Variants in LRRC28 observed in about 807,000 individuals in gnomAD.
The protein encoded by LRRC28 is leucine-rich repeat-containing protein 28.
In LRRC28, 39 loss-of-function variants were observed where a neutral mutation model predicts 45.7. That is an observed-to-expected ratio of 0.85 (90% confidence interval 0.66 to 1.12). The LOEUF (loss-of-function observed/expected upper bound fraction) is 1.12. Ranked by LOEUF, LRRC28 falls within the 50% of genes most tolerant of loss-of-function variation. LRRC28 has a pLI of 0.00. For missense variants in LRRC28, 435 were observed against 438.5 expected (o/e 0.99, Z 0.07); for synonymous variants, 206 against 178.8 (o/e 1.15, Z -1.22).
intron 7 of LRRC28, 141 bp from the exon 8 acceptor site, chr15:99,361,195 C>T: frequency 9.8e-7 from 1 of 1,018,104 alleles, no homozygotes; most frequent in Non-Finnish European, 1.4e-6. Flanking sequence ...CCCGGGATAG[C>T]ATCTGTTCAC....
intron 9 of LRRC28, among the ~76,000 whole-genome samples, chr15:99,366,360 T>G (rs888976689): frequency 3.3e-5 from 5 of 152,226 alleles, no homozygotes; most frequent in African/African-American, 1.2e-4. Flanking sequence ...ACCATTCATA[T>G]TGGATTAGGG....
chr15:99,362,689 G>T (rs148592201), intron 8 of LRRC28, among the ~76,000 whole-genome samples: 1 of 152,064 alleles, frequency 6.6e-6, no homozygotes, highest in Non-Finnish European at 1.5e-5. Flanking sequence ...GTGGAGGATT[G>T]ATACTAAATG....
At chr15:99,251,775 G>A (rs980776915) in intron 1 of LRRC28, 2 of 152,300 alleles carry the variant, frequency 1.3e-5, no homozygotes, top group Non-Finnish European at 2.9e-5. Flanking sequence ...AATCCCTGCT[G>A]CTGGGCTCGC....
intron 6 of LRRC28, among the ~76,000 whole-genome samples, chr15:99,342,446 G>A (rs1956546789): frequency 6.6e-6 from 1 of 152,186 alleles, no homozygotes; most frequent in African/African-American, 2.4e-5. Context: ...TTGGACTTCG[G>A]AAGGTTATTG....
At chr15:99,363,299 C>T (rs776445912) in intron 9 of LRRC28, 34 bp downstream of exon 9, 21 of 1,608,924 alleles carry the variant, frequency 1.3e-5, no homozygotes, top group Non-Finnish European at 1.7e-5. Flanking sequence ...AGGGTTTACA[C>T]CCAGGCAAGG....
rs571868654 is a variant in LRRC28 at position 99,287,158 on chromosome 15, A to T, written c.210-99A>T. The stretch of plus-strand genomic sequence containing the variant: ...GAGTAGGGTGCAAAAGTTGTGGCCT[A>T]TTTATATTTGATAAATTTCTAAGTG... On this transcript the variant is annotated intron_variant, in intron 3 of 9. Transcript: ENST00000301981. 18 of 1,025,996 alleles carry T rather than the reference A, an allele frequency of 1.8e-5. No individual in the cohort carries two copies. In the East Asian group the frequency reaches 4.5e-4, roughly 26 times the overall value. The allele number at this position is 1,025,996 out of a possible 1,614,324, so 63.6% of individuals were successfully genotyped here.
At chr15:99,304,966 A>T (rs770333051) in intron 5 of LRRC28, among the ~76,000 whole-genome samples, 1 of 151,960 alleles carries the variant, frequency 6.6e-6, no homozygotes, top group Non-Finnish European at 1.5e-5. Context: ...GCCTCTTTTC[A>T]ACAATATAGG....
At chr15:99,266,333 A>G (rs1041459968) in intron 2 of LRRC28, among the ~76,000 whole-genome samples, 7 of 152,202 alleles carry the variant, frequency 4.6e-5, no homozygotes, top group African/African-American at 1.7e-4. Flanking sequence ...GTGATAAAAC[A>G]CTAATTTTTA....
chr15:99,253,430 A>G (rs4965225), intron 1 of LRRC28, among the ~76,000 whole-genome samples: 96,533 of 152,026 alleles, frequency 0.63, 30,688 homozygotes, highest in Middle Eastern at 0.76. Flanking sequence ...CTCAGGAAGT[A>G]ATTTTTATGT....
At chr15:99,273,437 C>T (rs1200351516) in intron 2 of LRRC28, among the ~76,000 whole-genome samples, 1 of 150,560 alleles carries the variant, frequency 6.6e-6, no homozygotes, top group Non-Finnish European at 1.5e-5. Context: ...CAGGGTTTCA[C>T]CGTGTTAGAC....
At chr15:99,284,353 A>C (rs1474636152) in intron 3 of LRRC28, among the ~76,000 whole-genome samples, 1 of 121,956 alleles carries the variant, frequency 8.2e-6, no homozygotes, top group East Asian at 4.3e-4. Context: ...GCATGAGTGC[A>C]AAAAAAAAAA....
At position 99,390,729 on chromosome 15, in the gene LRRC28, A is replaced by G. The variant is rs1222742065; in HGVS notation, c.*4627A>G. 9 of 152,250 alleles carry G rather than the reference A, an allele frequency of 5.9e-5. No homozygotes were observed. Among genetic ancestry groups the G allele is most frequent in the African/African-American group, 1.2e-4 (5 of 41,462 alleles). The allele number at this position is 152,250 out of a possible 1,614,324, so 9.4% of individuals were successfully genotyped here. A position where few individuals can be genotyped will look rare whatever the true frequency, so the allele number is the denominator to read the frequency against. ...GAGAAATGGCTGAATCTCGATACGAACAACGAGTTTTGTGGTGTTTTAACT... is the reference window on the plus strand; with the variant it reads ...GAGAAATGGCTGAATCTCGATACGAGCAACGAGTTTTGTGGTGTTTTAACT... On this transcript the variant is annotated 3_prime_UTR_variant, in exon 10 of 10. Coordinates refer to ENST00000301981, the MANE Select transcript of LRRC28 (RefSeq NM_144598.5).
chr15:99,383,489 C>T (rs1957891237), intron 9 of LRRC28, among the ~76,000 whole-genome samples: 1 of 152,164 alleles, frequency 6.6e-6, no homozygotes, highest in African/African-American at 2.4e-5. Flanking sequence ...CCAGAAGTTC[C>T]ACCTAAATAT....
intron 1 of LRRC28, 102 bp downstream of exon 1, chr15:99,251,643 G>C (rs983714431): frequency 1.3e-5 from 2 of 152,302 alleles, no homozygotes; most frequent in African/African-American, 4.8e-5. Flanking sequence ...CAAAGCGTCC[G>C]GGTCGCGGCG....
chr15:99,336,491 G>A (rs73475306), intron 6 of LRRC28, among the ~76,000 whole-genome samples: 3,402 of 152,242 alleles, frequency 0.022, 126 homozygotes, highest in African/African-American at 0.077. Context: ...TAGTTGTTGT[G>A]TGGCCGTTTC....
chr15:99,273,438 C>T (rs999464733), intron 2 of LRRC28, among the ~76,000 whole-genome samples: 3 of 150,410 alleles, frequency 2.0e-5, no homozygotes, highest in East Asian at 1.9e-4. Context: ...AGGGTTTCAC[C>T]GTGTTAGACA....
intron 6 of LRRC28, chr15:99,337,727 A>G (rs904628094): frequency 3.3e-5 from 5 of 152,058 alleles, no homozygotes; most frequent in African/African-American, 1.2e-4. Flanking sequence ...AGTAACCACA[A>G]CTCCCAAGTC....
In LRRC28 at chr15:99,263,250, TTGAAGCTGCAG is replaced by T. The variant is rs1253528535; in HGVS notation, c.168+7129_168+7139del. 4.7e-5 allele frequency among the ~76,000 whole-genome samples: 7 copies of T among 148,846 alleles called. No individual in the cohort carries two copies. In the East Asian group the frequency reaches 1.4e-3, roughly 30 times the overall value. ...GGGAGGATTGCTTGAGCCCAGGAGG[TTGAAGCTGCAG>T]TGAGCCAACATCACGCCACTCCACG... On this transcript the variant is annotated intron_variant, in intron 2 of 9. Coordinates refer to ENST00000301981, the MANE Select transcript of LRRC28 (RefSeq NM_144598.5).
chr15:99,251,854 C>T (rs1276380662), intron 1 of LRRC28: 2 of 152,248 alleles, frequency 1.3e-5, no homozygotes, highest in African/African-American at 4.8e-5. Flanking sequence ...TTGCCTAAGA[C>T]TCTGCCAGTG....
Sources: gnomAD v4.1 joint callset for allele counts (sites outside exome capture counted in the v4.1 genomes callset) on GRCh38, gnomAD v4.1.1 for gene constraint, MANE v1.5 for transcripts, NCBI Gene and HGNC (gene_info 2026-07-23, HGNC 2026-07-21) for gene names.